The following TECTA variants were observed in gnomAD, a reference collection of about 807,000 sequenced individuals.
The protein encoded by TECTA is tectorin alpha.
A neutral mutation model predicts 216.8 loss-of-function variants in TECTA; 128 were observed. The observed-to-expected ratio is 0.59, with a 90% CI of 0.51 to 0.68. The LOEUF is 0.68. Among genes scored for constraint, TECTA ranks in the 30% least tolerant of loss-of-function variants. TECTA has a pLI of 0.00. For missense variants in TECTA, 2,551 were observed against 2,786.2 expected (o/e 0.92, Z 1.90); for synonymous variants, 1,089 against 1,117.1 (o/e 0.97, Z 0.50).
chr11:121,169,600 C>T (rs1397521567), intron 20 of TECTA, among the ~76,000 whole-genome samples: 1 of 152,170 alleles, frequency 6.6e-6, no homozygotes, highest in Non-Finnish European at 1.5e-5. Flanking sequence ...ATTTATAATA[C>T]AATTTACTTG....
intron 10 of TECTA, among the ~76,000 whole-genome samples, chr11:121,135,045 C>A (rs1360206626): frequency 6.6e-6 from 1 of 152,198 alleles, no homozygotes; most frequent in African/African-American, 2.4e-5. Flanking sequence ...GAGATGTCCC[C>A]CAGGATGTCT....
intron 15 of TECTA, among the ~76,000 whole-genome samples, chr11:121,161,559 TCCCTTCCCTC>T (rs1946999636): frequency 5.1e-3 from 3 of 594 alleles, no homozygotes; most frequent in African/African-American, 0.02. Flanking sequence ...TCCCTTCCCT[TCCCTTCCCTC>T]CCCTTCCTTT....
chr11:121,151,021 G>GA (rs1428858231), intron 12 of TECTA, among the ~76,000 whole-genome samples: 1 of 152,058 alleles, frequency 6.6e-6, no homozygotes, highest in Non-Finnish European at 1.5e-5. Context: ...AAAAGGATAT[G>GA]AAAAGGCAGT....
chr11:121,175,382 G>T (rs1477463272), intron 20 of TECTA, among the ~76,000 whole-genome samples: 1 of 151,904 alleles, frequency 6.6e-6, no homozygotes, highest in Non-Finnish European at 1.5e-5. Context: ...CAGAGATTCT[G>T]GTATGTTGTG....
rs779314752 is a variant in TECTA at position 121,127,830 on chromosome 11, C to T, written c.1853C>T (p.Thr618Met). 1.2e-6 allele frequency: 2 copies of T among 1,614,154 alleles called. No homozygotes were observed. The highest frequency in any genetic ancestry group is 8.5e-7 in the Non-Finnish European group (1 of 1,180,028). Residue 618 changes from threonine to methionine, a missense_variant, in exon 9 of 24, where the codon ACG becomes ATG. Physicochemically the swap from Thr to Met is moderately conservative, Grantham distance 81. Around this residue, in one of 3 missense-constraint regions of TECTA, gnomAD observed 2,375 missense variants for 2,563.9 expected, o/e 0.93. Transcript: ENST00000392793. The surrounding 1 kb of genome is among the most constrained non-coding windows in gnomAD (Gnocchi z 5.0). ...TGCCCCGACACATGCTCCGACCTGACGGCCTCGCGGAACTGCGCCACGCCG... is the reference window on the plus strand; with the variant it reads ...TGCCCCGACACATGCTCCGACCTGATGGCCTCGCGGAACTGCGCCACGCCG... ...SSCPDTCSDL[T>M]ASRNCATPCT...
At chr11:121,150,559 A>AATT (rs1264615420) in intron 12 of TECTA, among the ~76,000 whole-genome samples, 1 of 152,188 alleles carries the variant, frequency 6.6e-6, no homozygotes, top group Non-Finnish European at 1.5e-5. Flanking sequence ...AAAGTTAAAA[A>AATT]ATTATTTAAA....
In TECTA at chr11:121,175,170, G is replaced by GT. The variant is rs911745090; in HGVS notation, c.5999+6252dup. 4.6e-5 allele frequency among the ~76,000 whole-genome samples: 7 copies of GT among 151,880 alleles called. No individual in the cohort carries two copies. In the East Asian group the frequency reaches 7.7e-4, roughly 17 times the overall value. On this transcript the variant is annotated intron_variant, in intron 20 of 23. Coordinates refer to ENST00000392793, the MANE Select transcript of TECTA (RefSeq NM_005422.4). ...CCTGGATTCATTAATTTTTTGAAGG[G>GT]TTTTTTTGTGTCTGTATTTCCTTCA... is the stretch of plus-strand genomic sequence containing the variant.
Position 121,128,047 on chromosome 11 carries a change from C to A in TECTA, c.2070C>A (p.Cys690Ter). ...ACGTCTACTGCTTCAACAAGACCTG[C>A]GGCAGCGGGGAGGTGTGCGCCGTGG... Reference protein sequence around the residue: ...GGDVYCFNKTCGSGEVCAVED... With the variant: ...GGDVYCFNKT Residue 690 changes from cysteine (C) to a stop codon, truncating the protein, a stop_gained, in exon 9 of 24, where the codon TGC becomes TGA. Coordinates refer to ENST00000392793, the MANE Select transcript of TECTA (RefSeq NM_005422.4). LOFTEE classifies it high-confidence loss of function. The A allele has an allele frequency of 3.1e-6, 5 of 1,612,582 alleles. No homozygotes were observed. The highest frequency in any genetic ancestry group is 4.2e-6 in the Non-Finnish European group (5 of 1,179,402).
chr11:121,148,950 G>T (rs1290933591), intron 12 of TECTA, among the ~76,000 whole-genome samples: 1 of 152,172 alleles, frequency 6.6e-6, no homozygotes, highest in Non-Finnish European at 1.5e-5. Context: ...CTTAATCGGG[G>T]ACTGTAATTA....
intron 4 of TECTA, chr11:121,109,867 C>G (rs531151904): frequency 3.7e-6 from 1 of 270,038 alleles, no homozygotes; most frequent in Non-Finnish European, 7.1e-6. Context: ...AGGTCCTTTT[C>G]TCTTGCCCGA....
intron 11 of TECTA, among the ~76,000 whole-genome samples, chr11:121,144,080 C>T (rs1038482718): frequency 4.6e-5 from 7 of 152,134 alleles, no homozygotes; most frequent in Admixed American, 6.5e-5. Flanking sequence ...TTCACACTCA[C>T]GGCACAGGAA....
chr11:121,178,517 AGTGTGTGTGTGTGTGTGTGTGTGT>A (rs3222565), intron 20 of TECTA, among the ~76,000 whole-genome samples: 1 of 127,210 alleles, frequency 7.9e-6, no homozygotes, highest in African/African-American at 2.9e-5. Flanking sequence ...GCTTGTAGTT[AGTGTGTGTGTGTGTGTGTGTGTGT>A]GTGTGTGTGT....
chr11:121,109,328 G>A lies in TECTA; in HGVS notation c.316G>A (p.Gly106Arg). 1 of 1,614,140 alleles carries A rather than the reference G, an allele frequency of 6.2e-7. No individual in the cohort carries two copies. Among genetic ancestry groups the A allele is most frequent in the Non-Finnish European group, 8.5e-7 (1 of 1,180,028 alleles). Residue 106 changes from glycine (G) to arginine (R), a missense_variant, in exon 4 of 24, where the codon GGA becomes AGA. By Grantham distance (125) the Gly-to-Arg change is moderately radical. Coordinates refer to ENST00000392793, the MANE Select transcript of TECTA (RefSeq NM_005422.4). ...CCCATTTTGGGCAGATGTGCACAAT[G>A]GAATTCGAGGCGAGATCTATTACAG... is the stretch of plus-strand genomic sequence containing the variant. ...VAPFWADVHN[G>R]IRGEIYYRET...
At chr11:121,186,297 G>A (rs1437863427) in intron 20 of TECTA, among the ~76,000 whole-genome samples, 3 of 152,246 alleles carry the variant, frequency 2.0e-5, no homozygotes, top group Non-Finnish European at 4.4e-5. Context: ...CAAGTGGCTT[G>A]TAAGTCTGGG....
intron 22 of TECTA, 99 bp from the exon 23 acceptor site, chr11:121,189,665 C>T (rs1229081304): frequency 1.2e-5 from 15 of 1,205,440 alleles, no homozygotes; most frequent in African/African-American, 9.0e-5. Context: ...TGAGCCACCG[C>T]GCCCAGCCTG....
chr11:121,108,099 T>C (rs148933025), intron 3 of TECTA, among the ~76,000 whole-genome samples: 26 of 152,252 alleles, frequency 1.7e-4, no homozygotes, highest in African/African-American at 6.0e-4. Flanking sequence ...TCTCTGACAC[T>C]CCTCTTTTGT....
rs369842365 is a variant in TECTA at position 121,113,236 on chromosome 11, G to T, written c.624+27G>T. ...TAGGTGGCTCTCCACTTCATCCCCCGCGTGTTTCCGTCGCTGCACTCTCTG... is the reference window on the plus strand; with the variant it reads ...TAGGTGGCTCTCCACTTCATCCCCCTCGTGTTTCCGTCGCTGCACTCTCTG... On this transcript the variant is annotated intron_variant, in intron 5 of 23. Transcript: ENST00000392793. This position sits in a 1 kb window ranked among gnomAD's most constrained non-coding sequence, Gnocchi z 4.2. 32 of 1,613,324 alleles carry T rather than the reference G, an allele frequency of 2.0e-5. No individual in the cohort carries two copies. The highest frequency in any genetic ancestry group is 1.6e-4 in the Middle Eastern group (1 of 6,084).
intron 10 of TECTA, among the ~76,000 whole-genome samples, chr11:121,131,568 A>G (rs1946675405): frequency 6.6e-6 from 1 of 152,228 alleles, no homozygotes; most frequent in Non-Finnish European, 1.5e-5. Context: ...ATACAATACT[A>G]TTATGTAATC....
chr11:121,128,227 G>C lies in TECTA; in HGVS notation c.2250G>C (p.Leu750Phe). 1 of 1,602,448 alleles carries C rather than the reference G, an allele frequency of 6.2e-7. No homozygotes were observed. The highest frequency in any genetic ancestry group is 8.5e-7 in the Non-Finnish European group (1 of 1,179,962). The change falls in exon 9 of 24, where the codon TTG becomes TTC. Residue 750 changes from leucine (L) to phenylalanine (F), a missense_variant. This residue lies in a region of TECTA where 2,375 missense variants were observed against 2,563.9 expected (regional missense o/e 0.93). Coordinates refer to ENST00000392793, the MANE Select transcript of TECTA (RefSeq NM_005422.4). ...LKTCPERPEY[L>F]EIDINKKKPD... ...CCTGCCCTGAGCGCCCAGAGTACTT[G>C]GAAATCGACATCAACAAGAAGAAGC...
Sources: allele counts gnomAD v4.1 joint callset (sites outside exome capture counted in the v4.1 genomes callset), GRCh38; gene constraint gnomAD v4.1.1; regional missense constraint gnomAD v4.1.1; non-coding constraint Gnocchi (gnomAD v3.1); transcripts MANE v1.5; gene names NCBI Gene and HGNC (gene_info 2026-07-23, HGNC 2026-07-21).